Variants in BCO1 observed in about 807,000 individuals in gnomAD.
BCO1 encodes the protein beta-carotene oxygenase 1.
A neutral mutation model predicts 56.3 loss-of-function variants in BCO1; 54 were observed. The observed-to-expected ratio is 0.96, with a 90% CI of 0.77 to 1.20. The LOEUF is 1.20. BCO1 is among the 50% of genes most tolerant of loss of function. BCO1 has a pLI of 0.00. For synonymous variants in BCO1, 318 were observed against 266.1 expected (o/e 1.20, Z -1.90); for missense variants, 801 against 690.9 (o/e 1.16, Z -1.79).
rs532943259 is a variant in BCO1 at position 81,239,433 on chromosome 16, A to G, written c.64+461A>G. On this transcript the variant is annotated intron_variant, in intron 1 of 10. Transcript: ENST00000258168. ...AGAGAGGGGACACATTTTCTGTGAA[A>G]ATCTAGGTATTCTTTTACACATTAT... Among the ~76,000 whole-genome samples, 6 of 152,214 alleles carry G rather than the reference A, an allele frequency of 3.9e-5. No individual in the cohort carries two copies. The East Asian group carries it at 1.2e-3, about 29-fold the overall frequency.
intron 10 of BCO1, 26 bp downstream of exon 10, chr16:81,287,432 G>T: frequency 2.6e-6 from 4 of 1,563,520 alleles, no homozygotes; most frequent in Non-Finnish European, 3.5e-6. Context: ...GCCACGCCTA[G>T]TTGCTGCACG....
intron 1 of BCO1, among the ~76,000 whole-genome samples, chr16:81,243,454 A>ATCATTCATTCATTCATTCAT (rs149998320): frequency 5.2e-4 from 78 of 151,008 alleles, no homozygotes; most frequent in Middle Eastern, 3.4e-3. Context: ...CCTGGTCTTG[A>ATCATTCATTCATTCATTCAT]TCATTCATTC....
In BCO1 at chr16:81,270,436, T is replaced by C; in HGVS notation, c.1101+20T>C. ...GACAAGGTAATGGCTTCCAAGGAGG[T>C]CCCTTTTCTTTCTAGAGAGATATCG... On this transcript the variant is annotated intron_variant, in intron 7 of 10. Coordinates refer to ENST00000258168, the MANE Select transcript of BCO1 (RefSeq NM_017429.3). 6.2e-7 allele frequency: 1 copy of C among 1,613,224 alleles called. No individual in the cohort carries two copies. The highest frequency in any genetic ancestry group is 2.2e-5 in the East Asian group (1 of 44,872).
chr16:81,261,256 C>T (rs892147517), intron 3 of BCO1, among the ~76,000 whole-genome samples: 1 of 152,172 alleles, frequency 6.6e-6, no homozygotes, highest in Non-Finnish European at 1.5e-5. Context: ...GGAGCACTCC[C>T]CAATACACCG....
intron 1 of BCO1, among the ~76,000 whole-genome samples, chr16:81,239,973 G>T (rs1157831292): frequency 6.6e-6 from 1 of 152,174 alleles, no homozygotes; most frequent in Non-Finnish European, 1.5e-5. Context: ...GACTGGAATT[G>T]TTCATAAGGA....
At chr16:81,287,460 C>T in intron 10 of BCO1, 54 bp downstream of exon 10, 1 of 1,397,554 alleles carries the variant, frequency 7.2e-7, no homozygotes, top group Admixed American at 1.7e-5. Flanking sequence ...AGATCGCCCT[C>T]CAACAGAGAC....
At chr16:81,251,087 C>T (rs1905768537) in intron 2 of BCO1, among the ~76,000 whole-genome samples, 1 of 152,192 alleles carries the variant, frequency 6.6e-6, no homozygotes, top group South Asian at 2.1e-4. Flanking sequence ...GAACCATGGG[C>T]TAGTGAATAG....
intron 1 of BCO1, among the ~76,000 whole-genome samples, chr16:81,239,689 CAG>C (rs1000199501): frequency 9.9e-5 from 15 of 152,188 alleles, no homozygotes; most frequent in Non-Finnish European, 1.9e-4. Flanking sequence ...CAGGGGATTG[CAG>C]AGTCTGATGT....
chr16:81,264,195 A>T (rs2151938247), intron 4 of BCO1: 1 of 265,270 alleles, frequency 3.8e-6, no homozygotes, highest in South Asian at 4.8e-5. Context: ...GCAAAAGGGC[A>T]GAATTTAAGC....
chr16:81,239,020 A>ATTT (rs11339898), intron 1 of BCO1, 48 bp downstream of exon 1: 138 of 1,317,792 alleles, frequency 1.0e-4, no homozygotes, highest in South Asian at 1.3e-4. Flanking sequence ...TTATTTTATT[A>ATTT]TTTTTTTTTT....
chr16:81,240,246 A>G (rs897797506), intron 1 of BCO1, among the ~76,000 whole-genome samples: 8 of 152,038 alleles, frequency 5.3e-5, no homozygotes, highest in Non-Finnish European at 1.5e-5. Flanking sequence ...TCTCTTAACC[A>G]CTATTAATAT....
At chr16:81,257,583 T>C (rs1391809054) in intron 2 of BCO1, among the ~76,000 whole-genome samples, 3 of 150,480 alleles carry the variant, frequency 2.0e-5, no homozygotes, top group Admixed American at 1.3e-4. Context: ...TTATTTTACA[T>C]AGCAAAAGAA....
chr16:81,272,116 T>C (rs1338409455), intron 7 of BCO1, among the ~76,000 whole-genome samples: 1 of 144,058 alleles, frequency 6.9e-6, no homozygotes, highest in Admixed American at 6.9e-5. Context: ...TTTCTTTCTT[T>C]TTTTTTTTTT....
chr16:81,270,741 T>A (rs1355219283), intron 7 of BCO1, among the ~76,000 whole-genome samples: 1 of 141,174 alleles, frequency 7.1e-6, no homozygotes. Flanking sequence ...TTAATCATAT[T>A]GTACATAATT....
chr16:81,250,414 C>T (rs930912896), intron 2 of BCO1, among the ~76,000 whole-genome samples: 24 of 152,128 alleles, frequency 1.6e-4, no homozygotes, highest in East Asian at 5.8e-4. Context: ...TAGGACTCTC[C>T]GTGGCACCCC....
chr16:81,290,798 T>C lies in BCO1; in HGVS notation c.*221T>C. 2 of 550,290 alleles carry C rather than the reference T, an allele frequency of 3.6e-6. No individual in the cohort carries two copies. Among genetic ancestry groups the C allele is most frequent in the Non-Finnish European group, 3.2e-6 (1 of 309,166 alleles). The allele number at this position is 550,290 out of a possible 1,614,324, so 34.1% of individuals were successfully genotyped here. ...GTCAAACATTTGAACATCAAATATG[T>C]ATTGATTAGATCCAGTCCTTCTAAG... On this transcript the variant is annotated 3_prime_UTR_variant, in exon 11 of 11. Coordinates refer to ENST00000258168, the MANE Select transcript of BCO1 (RefSeq NM_017429.3).
chr16:81,244,700 T>G (rs948573185), intron 1 of BCO1, among the ~76,000 whole-genome samples: 11 of 151,196 alleles, frequency 7.3e-5, no homozygotes, highest in Admixed American at 5.3e-4. Context: ...TTTCTACGTC[T>G]GTAGCGTTGC....
rs1367021838 is a variant in BCO1, at chr16:81,284,232, T to TTATATATTTATATATTTATATATAAA, written c.1208-1266_1208-1241dup. On this transcript the variant is annotated intron_variant, in intron 8 of 10. Coordinates refer to ENST00000258168, the MANE Select transcript of BCO1 (RefSeq NM_017429.3). ...AAACAAACTATATATATATATATTTTTATATATTTATATATTTATATATAA... is the reference window on the plus strand; with the variant it reads ...AAACAAACTATATATATATATATTTTTATATATTTATATATTTATATATAAATATATATTTATATATTTATATATAA... Among the ~76,000 whole-genome samples, 19 of 121,676 alleles carry TTATATATTTATATATTTATATATAAA rather than the reference T, an allele frequency of 1.6e-4. 1 individual carries two copies. Among genetic ancestry groups the TTATATATTTATATATTTATATATAAA allele is most frequent in the African/African-American group, 5.7e-4 (19 of 33,142 alleles). 79.8% of individuals were successfully genotyped at this position (121,676 alleles called of 152,430 possible). A position where few individuals can be genotyped will look rare whatever the true frequency, so the allele number is the denominator to read the frequency against.
intron 1 of BCO1, among the ~76,000 whole-genome samples, chr16:81,242,323 C>T (rs1905165247): frequency 6.6e-6 from 1 of 151,734 alleles, no homozygotes; most frequent in Admixed American, 6.6e-5. Flanking sequence ...GCCTCAGCCT[C>T]CCCAGTAGCT....
Sources: gnomAD v4.1 joint callset for allele counts (sites outside exome capture counted in the v4.1 genomes callset) on GRCh38, gnomAD v4.1.1 for gene constraint, MANE v1.5 for transcripts, NCBI Gene and HGNC (gene_info 2026-07-23, HGNC 2026-07-21) for gene names.